Variants in CDC27 observed in about 807,000 individuals in gnomAD.
CDC27 encodes the protein cell division cycle protein 27 homolog.
A neutral mutation model predicts 109.7 loss-of-function variants in CDC27; 27 were observed. The ratio of observed to expected loss-of-function variants is 0.25; its 90% confidence interval spans 0.18 to 0.34. CDC27 has a LOEUF of 0.34. Ranked by LOEUF, CDC27 falls within the 10% of genes least tolerant of loss-of-function variation. The probability of loss-of-function intolerance (pLI) is 1.00; values close to 1 mark genes in which losing one functional copy is unlikely to be tolerated. For synonymous variants in CDC27, 266 were observed against 333.9 expected (o/e 0.80, Z 2.22); for missense variants, 579 against 960.2 (o/e 0.60, Z 5.25).
rs114808103 is a variant in CDC27 at position 47,158,833 on chromosome 17, G to A, written c.378-530C>T. On this transcript the variant is annotated intron_variant, in intron 4 of 18. Coordinates refer to ENST00000066544, the MANE Select transcript of CDC27 (RefSeq NM_001256.6). ...CAGGCTTCACCATTGATGCCCAGGC[G>A]GGTCTTGAACTCATGAGCTCTGGTG... is the stretch of plus-strand genomic sequence containing the variant. Among the ~76,000 whole-genome samples the A allele has an allele frequency of 2.0e-3, 298 of 152,048 alleles. 1 individual carries two copies. Among genetic ancestry groups the A allele is most frequent in the African/African-American group, 5.4e-3 (222 of 41,494 alleles).
chr17:47,150,132 T>C (rs2063111926), intron 9 of CDC27, among the ~76,000 whole-genome samples: 1 of 152,212 alleles, frequency 6.6e-6, no homozygotes, highest in African/African-American at 2.4e-5. Flanking sequence ...ATTGTAAGGT[T>C]CTGTGCTATA....
At position 47,139,266 on chromosome 17, in the gene CDC27, C is replaced by CTT. The variant is rs758367976; in HGVS notation, c.1552-377_1552-376dup. ...TTAATAATGGCATTACAGAATAACT[C>CTT]TTTTTTTTTTTTTTTTTTGAGATGG... is the stretch of plus-strand genomic sequence containing the variant. On this transcript the variant is annotated intron_variant, in intron 12 of 18. Coordinates refer to ENST00000066544, the MANE Select transcript of CDC27 (RefSeq NM_001256.6). Among the ~76,000 whole-genome samples, 217 of 137,896 alleles carry CTT rather than the reference C, an allele frequency of 1.6e-3. 1 individual carries two copies. Among genetic ancestry groups the CTT allele is most frequent in the African/African-American group, 4.9e-3 (185 of 37,724 alleles). The allele number at this position is 137,896 out of a possible 152,430, so 90.5% of individuals were successfully genotyped here.
At position 47,141,954 on chromosome 17, in the gene CDC27, C is replaced by A; in HGVS notation, c.1450G>T (p.Ala484Ser). ...GGTAGATGGCTCAAAATATTTATAG[C>A]TTCTTTGCAGTTGTATGAACACAAA... is the stretch of plus-strand genomic sequence containing the variant. ...LALCSYNCKE[A>S]INILSHLPSH... The change falls in exon 12 of 19, where the codon GCT (alanine) becomes TCT (serine). Residue 484 changes from alanine to serine, a missense_variant. Ala to Ser is a moderately conservative substitution (Grantham distance 99). Around this residue, in one of 9 missense-constraint regions of CDC27, gnomAD observed 58 missense variants for 116.6 expected, o/e 0.50. Coordinates refer to ENST00000066544, the MANE Select transcript of CDC27 (RefSeq NM_001256.6). 2 of 1,608,798 alleles carry A rather than the reference C, an allele frequency of 1.2e-6. No individual in the cohort carries two copies. The highest frequency in any genetic ancestry group is 1.7e-6 in the Non-Finnish European group (2 of 1,176,694).
chr17:47,119,186 T>TGCTA lies in CDC27; in HGVS notation c.*1745_*1748dup, dbSNP rs1466562508. ...AATAGCATACGTGTTAGAATCCAAG[T>TGCTA]GCTAGCCTCTGGGAATTTTTCATTA... On this transcript the variant is annotated 3_prime_UTR_variant, in exon 19 of 19. Coordinates refer to ENST00000066544, the MANE Select transcript of CDC27 (RefSeq NM_001256.6). 3 of 152,238 alleles carry TGCTA rather than the reference T, an allele frequency of 2.0e-5. No homozygotes were observed. The highest frequency in any genetic ancestry group is 7.2e-5 in the African/African-American group (3 of 41,470). 9.4% of individuals were successfully genotyped at this position (152,238 alleles called of 1,614,324 possible).
chr17:47,180,608 C>CAA (rs754437495), intron 2 of CDC27, among the ~76,000 whole-genome samples: 11 of 96,608 alleles, frequency 1.1e-4, no homozygotes, highest in African/African-American at 2.3e-4. Context: ...GGAAATGACT[C>CAA]AAAAAAAAAA....
intron 15 of CDC27, 108 bp from the exon 16 acceptor site, chr17:47,129,629 G>T (rs1204376712): frequency 2.9e-6 from 2 of 687,460 alleles, no homozygotes; most frequent in Non-Finnish European, 4.9e-6. Context: ...AGATAAGGTT[G>T]TAGGGTCTAA....
chr17:47,122,064 C>CT (rs1415364381), intron 18 of CDC27, among the ~76,000 whole-genome samples: 1 of 151,986 alleles, frequency 6.6e-6, no homozygotes, highest in African/African-American at 2.4e-5. Flanking sequence ...TAATTAAAGC[C>CT]TTTCACCAAG....
chr17:47,169,101 C>T (rs2063734643), intron 4 of CDC27, among the ~76,000 whole-genome samples: 1 of 151,568 alleles, frequency 6.6e-6, no homozygotes. Flanking sequence ...AAGAGATCCT[C>T]CACCTCAGTC....
intron 2 of CDC27, among the ~76,000 whole-genome samples, chr17:47,180,664 T>A (rs974372999): frequency 6.6e-6 from 1 of 151,748 alleles, no homozygotes; most frequent in African/African-American, 2.4e-5. Context: ...GAAAGGGAAT[T>A]ATAATAATGA....
chr17:47,125,340 A>T lies in CDC27; in HGVS notation c.2161-1380T>A, dbSNP rs1056404498. On this transcript the variant is annotated intron_variant, in intron 16 of 18. Transcript: ENST00000066544. The stretch of plus-strand genomic sequence containing the variant: ...TGGCTCGCTACAACCTCTCCCTCCC[A>T]GTGTCAAGTGATTCTCCTGCCTCAG... Among the ~76,000 whole-genome samples, 4 of 122,486 alleles carry T rather than the reference A, an allele frequency of 3.3e-5. No individual in the cohort carries two copies. The Admixed American group carries it at 3.4e-4, about 11-fold the overall frequency. The allele number at this position is 122,486 out of a possible 152,430, so 80.4% of individuals were successfully genotyped here. A position where few individuals can be genotyped will look rare whatever the true frequency, so the allele number is the denominator to read the frequency against.
intron 1 of CDC27, among the ~76,000 whole-genome samples, chr17:47,184,845 C>A (rs781611418): frequency 2.6e-5 from 4 of 152,196 alleles, no homozygotes; most frequent in South Asian, 2.1e-4. Context: ...AGCACCTCTG[C>A]CCAACTGATG....
At chr17:47,162,056 T>C (rs138411024) in intron 4 of CDC27, 28 of 152,314 alleles carry the variant, frequency 1.8e-4, no homozygotes, top group African/African-American at 6.5e-4. Context: ...AAGTTCATCT[T>C]TTCTCCCCAA....
chr17:47,119,116 AT>A lies in CDC27; in HGVS notation c.*1818del, dbSNP rs2148776325. On this transcript the variant is annotated 3_prime_UTR_variant, in exon 19 of 19. Coordinates refer to ENST00000066544, the MANE Select transcript of CDC27 (RefSeq NM_001256.6). Reference sequence around the variant, plus strand: ...ACCTTGTGCTTTGCCAATTAAAAAAATAAAAGAATCTAAAATTAAATATTAC... The same window carrying A: ...ACCTTGTGCTTTGCCAATTAAAAAAAAAAAGAATCTAAAATTAAATATTAC... 6.6e-6 allele frequency: 1 copy of A among 152,384 alleles called. No homozygotes were observed. The highest frequency in any genetic ancestry group is 2.1e-4 in the South Asian group (1 of 4,828). 9.4% of individuals were successfully genotyped at this position (152,384 alleles called of 1,614,324 possible).
intron 16 of CDC27, among the ~76,000 whole-genome samples, chr17:47,128,075 G>T (rs1165209533): frequency 6.6e-6 from 1 of 151,996 alleles, no homozygotes; most frequent in Non-Finnish European, 1.5e-5. Context: ...CTGTTGCCCA[G>T]GCTGGAATGC....
intron 3 of CDC27, chr17:47,170,482 C>T (rs2063781442): frequency 6.6e-6 from 1 of 152,258 alleles, no homozygotes; most frequent in Non-Finnish European, 1.5e-5. Flanking sequence ...CTGCACCTGG[C>T]CAATTTGTTT....
At chr17:47,159,868 CA>C in intron 4 of CDC27, 1 of 452,220 alleles carries the variant, frequency 2.2e-6, no homozygotes, top group Non-Finnish European at 4.3e-6. Flanking sequence ...TGTCCTTGAC[CA>C]GGAGCCCCAG....
At chr17:47,122,106 T>C (rs1336770764) in intron 18 of CDC27, among the ~76,000 whole-genome samples, 4 of 152,150 alleles carry the variant, frequency 2.6e-5, no homozygotes. Context: ...AATCAGAATT[T>C]ATCTTGTCAG....
intron 9 of CDC27, among the ~76,000 whole-genome samples, chr17:47,146,921 C>T (rs2062975094): frequency 6.6e-6 from 1 of 151,998 alleles, no homozygotes; most frequent in South Asian, 2.1e-4. Flanking sequence ...AAAAAATTAG[C>T]CATATGTGGC....
chr17:47,179,492 T>C (rs1221739472), intron 2 of CDC27, among the ~76,000 whole-genome samples: 2 of 152,186 alleles, frequency 1.3e-5, no homozygotes, highest in East Asian at 1.9e-4. Flanking sequence ...CCTGTGGACA[T>C]TAGTCTCAGT....
Sources: allele counts gnomAD v4.1 joint callset (sites outside exome capture counted in the v4.1 genomes callset), GRCh38; gene constraint gnomAD v4.1.1; regional missense constraint gnomAD v4.1.1; transcripts MANE v1.5; gene names NCBI Gene and HGNC (gene_info 2026-07-23, HGNC 2026-07-21).